RPSA2: variants seen among roughly 807,000 people sequenced by gnomAD.
RPSA2 encodes small ribosomal subunit protein uS2B.
chr19:23,831,315 G>A, the RPSA2 span, among the ~76,000 whole-genome samples: 1 of 152,138 alleles, frequency 6.6e-6, no homozygotes, highest in Non-Finnish European at 1.5e-5. Flanking sequence ...ACGTTATAGT[G>A]GAAAGCAGGA....
the RPSA2 span, among the ~76,000 whole-genome samples, chr19:23,821,155 C>T: frequency 9.9e-5 from 15 of 152,174 alleles, no homozygotes; most frequent in East Asian, 1.9e-4. Context: ...CCTCTCTGAT[C>T]GATTAATGTT....
chr19:23,766,828 G>A, the RPSA2 span, among the ~76,000 whole-genome samples: 1 of 149,722 alleles, frequency 6.7e-6, no homozygotes, highest in African/African-American at 2.5e-5. Flanking sequence ...TCGTTATCTT[G>A]GCTCACTACA....
chr19:23,842,143 C>T, the RPSA2 span, among the ~76,000 whole-genome samples: 2 of 152,144 alleles, frequency 1.3e-5, no homozygotes, highest in Non-Finnish European at 2.9e-5. Flanking sequence ...AATTAGAATA[C>T]GTATTTTAAC....
At chr19:23,767,304 C>G in the RPSA2 span, among the ~76,000 whole-genome samples, 4 of 152,264 alleles carry the variant, frequency 2.6e-5, no homozygotes, top group African/African-American at 9.6e-5. Context: ...GTCTCTAACT[C>G]ATGACCTCAG....
chr19:23,856,862 C>T, the RPSA2 span, among the ~76,000 whole-genome samples: 3 of 152,108 alleles, frequency 2.0e-5, no homozygotes, highest in Non-Finnish European at 4.4e-5. Context: ...AGATCACGTG[C>T]TTCAAAGGGC....
the RPSA2 span, among the ~76,000 whole-genome samples, chr19:23,865,776 G>T: frequency 7.2e-5 from 11 of 152,158 alleles, no homozygotes; most frequent in African/African-American, 2.2e-4. Flanking sequence ...CATAAGGCTT[G>T]ATCTGAATGA....
chr19:23,862,394 G>A, the RPSA2 span, among the ~76,000 whole-genome samples: 4 of 151,278 alleles, frequency 2.6e-5, no homozygotes, highest in Middle Eastern at 3.2e-3. Flanking sequence ...AATTGCCCTG[G>A]CCAGAACTTC....
the RPSA2 span, chr19:23,758,892 A>G: frequency 4.3e-6 from 5 of 1,159,506 alleles, no homozygotes; most frequent in Non-Finnish European, 5.0e-6. Flanking sequence ...AGGGAGAGAC[A>G]AAGGCCCCGC....
At chr19:23,833,263 TA>T in the RPSA2 span, 1 of 929,950 alleles carries the variant, frequency 1.1e-6, no homozygotes, top group South Asian at 2.6e-5. Context: ...CCTTACAACT[TA>T]ATGCACATAA....
the RPSA2 span, among the ~76,000 whole-genome samples, chr19:23,789,019 C>CTTTTTTTTTTT: frequency 2.2e-3 from 243 of 112,594 alleles, 44 homozygotes; most frequent in East Asian, 2.1e-3. Context: ...TTTTTTCTTT[C>CTTTTTTTTTTT]TTTCTTTTTT....
chr19:23,805,696 A>G, the RPSA2 span, among the ~76,000 whole-genome samples: 1 of 152,276 alleles, frequency 6.6e-6, no homozygotes, highest in South Asian at 2.1e-4. Flanking sequence ...TTTCAGCTAA[A>G]CATTTCTGAC....
chr19:23,811,832 T>C, the RPSA2 span, among the ~76,000 whole-genome samples: 1 of 8,100 alleles, frequency 1.2e-4, no homozygotes, highest in African/African-American at 1.6e-4. Context: ...TTTGCTTCTA[T>C]ATTTGGATTA....
At chr19:23,779,354 G>A in the RPSA2 span, among the ~76,000 whole-genome samples, 2 of 151,972 alleles carry the variant, frequency 1.3e-5, no homozygotes, top group Admixed American at 1.3e-4. Context: ...CCATTGCTTG[G>A]ACTCTGTCAG....
the RPSA2 span, among the ~76,000 whole-genome samples, chr19:23,847,745 C>T: frequency 1.1e-4 from 17 of 152,206 alleles, no homozygotes; most frequent in South Asian, 1.0e-3. Context: ...GAGACCAGGG[C>T]GTATCTCAGT....
chr19:23,868,945 C>A, the RPSA2 span, among the ~76,000 whole-genome samples: 1 of 152,114 alleles, frequency 6.6e-6, no homozygotes. Context: ...ACCTGGGGGA[C>A]ACTCAAGAAA....
At chr19:23,817,391 A>G in the RPSA2 span, among the ~76,000 whole-genome samples, 1 of 152,232 alleles carries the variant, frequency 6.6e-6, no homozygotes, top group Non-Finnish European at 1.5e-5. Context: ...TCAAAATAAA[A>G]TAAATAAATA....
chr19:23,858,010 G>A, the RPSA2 span, among the ~76,000 whole-genome samples: 1 of 151,604 alleles, frequency 6.6e-6, no homozygotes, highest in Non-Finnish European at 1.5e-5. Flanking sequence ...TTAAATTGAA[G>A]TTACTATCAT....
the RPSA2 span, among the ~76,000 whole-genome samples, chr19:23,791,857 A>C: frequency 3.3e-5 from 5 of 151,326 alleles, no homozygotes; most frequent in African/African-American, 1.2e-4. Flanking sequence ...ATCCTGCCTC[A>C]GTCTCCTGAG....
At chr19:23,842,802 G>A in the RPSA2 span, 4 of 152,164 alleles carry the variant, frequency 2.6e-5, no homozygotes, top group African/African-American at 9.7e-5. Context: ...AAACTTGACG[G>A]TTTATTGAAA....
Sources: gnomAD v4.1 joint callset for allele counts (sites outside exome capture counted in the v4.1 genomes callset) on GRCh38, gnomAD v4.1.1 for gene constraint, MANE v1.5 for transcripts, NCBI Gene and HGNC (gene_info 2026-07-23, HGNC 2026-07-21) for gene names.